The following SYNE2 variants were observed in gnomAD, a reference collection of about 807,000 sequenced individuals.
SYNE2 encodes the protein nesprin-2.
A neutral mutation model predicts 856.3 loss-of-function variants in SYNE2; 431 were observed. That is an observed-to-expected ratio of 0.50 (90% CI 0.47 to 0.55). SYNE2 has a LOEUF of 0.55. Ranked by LOEUF, SYNE2 falls within the 20% of genes least tolerant of loss-of-function variation. The pLI is 0.00. For synonymous variants in SYNE2, 2,923 were observed against 2,872.3 expected (o/e 1.02, Z -0.56); for missense variants, 8,129 against 8,023.2 (o/e 1.01, Z -0.50).
intron 32 of SYNE2, among the ~76,000 whole-genome samples, chr14:64,013,606 A>G (rs113259526): frequency 0.038 from 5,738 of 152,192 alleles, 349 homozygotes; most frequent in African/African-American, 0.13. Context: ...TATTTCTCTT[A>G]GGATAATGGC....
At chr14:63,800,062 A>C (rs79518544) in intron 1 of SYNE2, among the ~76,000 whole-genome samples, 3,094 of 152,208 alleles carry the variant, frequency 0.02, 108 homozygotes, top group African/African-American at 0.07. Flanking sequence ...AAAACAAACA[A>C]ACAAAAACTC....
chr14:64,145,236 T>C (rs1348199966), intron 83 of SYNE2, among the ~76,000 whole-genome samples: 2 of 144,354 alleles, frequency 1.4e-5, no homozygotes, highest in Non-Finnish European at 3.0e-5. Flanking sequence ...CGGGCAGCCT[T>C]TTAAAATTAT....
At position 64,158,624 on chromosome 14, in the gene SYNE2, G is replaced by C. The variant is rs1447531165; in HGVS notation, c.15793-1G>C. On this transcript the variant is annotated splice_acceptor_variant, in intron 85 of 115. Transcript: ENST00000555002. LOFTEE classifies it high-confidence loss of function. ...TCAGTACGTTTCCACTTTTTGTCTA[G>C]GTCAATCAGCTCAAAACCTCCATGC... 1 of 1,613,756 alleles carries C rather than the reference G, an allele frequency of 6.2e-7. No individual in the cohort carries two copies. The highest frequency in any genetic ancestry group is 1.1e-5 in the South Asian group (1 of 91,048).
chr14:64,117,745 A>T (rs902341811), intron 66 of SYNE2, among the ~76,000 whole-genome samples: 1 of 152,184 alleles, frequency 6.6e-6, no homozygotes, highest in Non-Finnish European at 1.5e-5. Flanking sequence ...CATGGTGCAT[A>T]AAAAGTTTCA....
chr14:64,220,685 C>T (rs764984703), intron 111 of SYNE2, 48 bp downstream of exon 111: 3 of 1,598,412 alleles, frequency 1.9e-6, no homozygotes, highest in Non-Finnish European at 1.7e-6. Flanking sequence ...CCCAGGCCCA[C>T]GTGGTAGGAG....
chr14:63,871,793 C>T (rs1896916621), intron 1 of SYNE2, among the ~76,000 whole-genome samples: 1 of 151,664 alleles, frequency 6.6e-6, no homozygotes, highest in African/African-American at 2.4e-5. Flanking sequence ...TGCACCTGGC[C>T]AACTTAAATT....
At chr14:64,090,771 A>G in intron 59 of SYNE2, 95 bp from the exon 60 acceptor site, 2 of 1,144,530 alleles carry the variant, frequency 1.7e-6, no homozygotes, top group Non-Finnish European at 2.5e-6. Flanking sequence ...AATGCAAACT[A>G]TAAAAACTAT....
chr14:64,182,493 A>G (rs531557690), intron 96 of SYNE2, among the ~76,000 whole-genome samples: 27 of 152,254 alleles, frequency 1.8e-4, no homozygotes, highest in African/African-American at 6.3e-4. Context: ...CAGATAAACA[A>G]GTGAACAAAG....
intron 49 of SYNE2, among the ~76,000 whole-genome samples, chr14:64,058,995 C>A (rs535522909): frequency 6.6e-6 from 1 of 152,174 alleles, no homozygotes; most frequent in African/African-American, 2.4e-5. Flanking sequence ...TCAACCCCAG[C>A]ATTTCTACTT....
intron 9 of SYNE2, among the ~76,000 whole-genome samples, 171 bp from the exon 10 acceptor site, chr14:63,963,727 CT>C (rs926694892): frequency 6.6e-6 from 1 of 152,030 alleles, no homozygotes; most frequent in African/African-American, 2.4e-5. Context: ...TAGTTTCAAT[CT>C]GGTTTAAAAT....
chr14:64,095,441 C>T (rs962676881), intron 61 of SYNE2, among the ~76,000 whole-genome samples: 6 of 152,164 alleles, frequency 3.9e-5, no homozygotes, highest in African/African-American at 9.7e-5. Flanking sequence ...ACATCACGCT[C>T]GATCACTTGG....
intron 63 of SYNE2, among the ~76,000 whole-genome samples, chr14:64,100,960 A>G (rs2153639805): frequency 6.6e-6 from 1 of 151,814 alleles, no homozygotes; most frequent in South Asian, 2.1e-4. Flanking sequence ...TAATTTACCC[A>G]TGTTGTTGCA....
At position 64,137,836 on chromosome 14, in the gene SYNE2, T is replaced by C; in HGVS notation, c.14696T>C (p.Leu4899Pro). ...GGKHARLYQT[L>P]NEGKQLVASV... The stretch of plus-strand genomic sequence containing the variant: ...AAACACGCCCGGCTTTACCAAACTC[T>C]GAACGAAGGCAAACAGTTGGTGGCG... The change falls in exon 79 of 116, where the codon CTG becomes CCG. Residue 4899 changes from leucine (L) to proline (P), a missense_variant. Coordinates refer to ENST00000555002, the MANE Select transcript of SYNE2 (RefSeq NM_182914.3). 6.2e-7 allele frequency: 1 copy of C among 1,614,230 alleles called. No individual in the cohort carries two copies. Among genetic ancestry groups the C allele is most frequent in the Non-Finnish European group, 8.5e-7 (1 of 1,180,038 alleles).
intron 1 of SYNE2, among the ~76,000 whole-genome samples, chr14:63,853,414 C>G (rs1375955134): frequency 1.3e-5 from 2 of 151,276 alleles, no homozygotes; most frequent in African/African-American, 4.8e-5. Flanking sequence ...TGGCGTTTGT[C>G]TCTCTGGGTT....
Position 63,942,443 on chromosome 14 carries a change from T to A in SYNE2, c.408+300T>A, listed in dbSNP as rs1017790993. 2.6e-5 allele frequency among the ~76,000 whole-genome samples: 4 copies of A among 152,180 alleles called. No individual in the cohort carries two copies. In the East Asian group the frequency reaches 7.7e-4, roughly 29 times the overall value. The stretch of plus-strand genomic sequence containing the variant: ...AAGTGATTCTTCTGTCTCAGCCTCC[T>A]GAGTGGTTGGGACTACAGATGCGCG... On this transcript the variant is annotated intron_variant, in intron 6 of 115. Transcript: ENST00000555002.
rs117503191 is a variant in SYNE2 at position 64,133,639 on chromosome 14, G to A, written c.14515-430G>A. ...GCATGGGGGTTTGGTGGGCTTGGGC[G>A]TGGGCTTGGAGAGCAGGAGCAGCCT... is the stretch of plus-strand genomic sequence containing the variant. On this transcript the variant is annotated intron_variant, in intron 77 of 115. Coordinates refer to ENST00000555002, the MANE Select transcript of SYNE2 (RefSeq NM_182914.3). Among the ~76,000 whole-genome samples, 1,110 of 152,284 alleles carry A rather than the reference G, an allele frequency of 7.3e-3. 9 individuals carry two copies. Among genetic ancestry groups the A allele is most frequent in the Non-Finnish European group, 0.011 (728 of 68,020 alleles).
intron 54 of SYNE2, 78 bp from the exon 55 acceptor site, chr14:64,078,388 A>C: frequency 1.3e-6 from 2 of 1,591,956 alleles, no homozygotes; most frequent in Non-Finnish European, 1.7e-6. Context: ...CAGAGTGACT[A>C]CCACTTTTGT....
At chr14:63,848,763 C>T (rs959094576), upstream of SYNE2, among the ~76,000 whole-genome samples, 1 of 152,186 alleles carries the variant, frequency 6.6e-6, no homozygotes, top group East Asian at 1.9e-4. Context: ...TTCCAAGCCC[C>T]GCAGTTACTG....
chr14:64,102,881 C>T (rs1392917594), intron 64 of SYNE2, among the ~76,000 whole-genome samples: 2 of 152,172 alleles, frequency 1.3e-5, no homozygotes, highest in East Asian at 3.9e-4. Flanking sequence ...TTAGATTACA[C>T]ATGTAAGTGA....
Sources: allele counts gnomAD v4.1 joint callset (sites outside exome capture counted in the v4.1 genomes callset), GRCh38; gene constraint gnomAD v4.1.1; transcripts MANE v1.5; gene names NCBI Gene and HGNC (gene_info 2026-07-23, HGNC 2026-07-21).